CAPN13: variants seen among roughly 807,000 people sequenced by gnomAD.
CAPN13 encodes calpain-13.
Under a neutral mutation model 98.4 loss-of-function variants are expected in CAPN13, and 90 were observed. That is an observed-to-expected ratio of 0.92 (90% confidence interval 0.77 to 1.09). The LOEUF is 1.09. Among genes scored for constraint, CAPN13 ranks in the 50% least tolerant of loss-of-function variants. CAPN13 has a pLI of 0.00. For synonymous variants in CAPN13, 330 were observed against 305.5 expected, an observed-to-expected ratio of 1.08 and a Z score of -0.84; for missense variants, 887 against 841.3, an observed-to-expected ratio of 1.05 and a Z score of -0.67.
At chr2:30,772,810 G>C (rs1024268046) in intron 4 of CAPN13, among the ~76,000 whole-genome samples, 1 of 142,262 alleles carries the variant, frequency 7.0e-6, no homozygotes, top group East Asian at 2.1e-4. Flanking sequence ...ACTCCAAGGA[G>C]AGAGAGCATT....
intron 6 of CAPN13, 140 bp from the exon 7 acceptor site, chr2:30,763,296 C>T: frequency 1.4e-6 from 1 of 690,298 alleles, no homozygotes; most frequent in Non-Finnish European, 2.5e-6. Context: ...GAACTCTTTT[C>T]TAGAGCAGCA....
chr2:30,760,810 C>G (rs1672814263), intron 7 of CAPN13, among the ~76,000 whole-genome samples: 1 of 152,168 alleles, frequency 6.6e-6, no homozygotes, highest in African/African-American at 2.4e-5. Flanking sequence ...ACACGCGAGG[C>G]CAAGGCCATG....
At chr2:30,774,659 AT>A (rs943907318) in intron 4 of CAPN13, among the ~76,000 whole-genome samples, 1 of 152,170 alleles carries the variant, frequency 6.6e-6, no homozygotes, top group African/African-American at 2.4e-5. Context: ...CATTGGAAGA[AT>A]TAAAGAAATC....
At position 30,738,468 on chromosome 2, in the gene CAPN13, C is replaced by T; in HGVS notation, c.1537-11G>A. On this transcript the variant is annotated splice_polypyrimidine_tract_variant and intron_variant, in intron 15 of 22. Coordinates refer to ENST00000295055, the MANE Select transcript of CAPN13 (RefSeq NM_144575.3). ...ATCAATGTCCAGCCTCTGATCCAAA[C>T]AAGGAAGGAATGCAGGAATTATATC... 1.9e-6 allele frequency: 3 copies of T among 1,598,572 alleles called. No homozygotes were observed. Among genetic ancestry groups the T allele is most frequent in the South Asian group, 2.3e-5 (2 of 88,322 alleles).
At chr2:30,782,212 T>G (rs2030383) in intron 2 of CAPN13, among the ~76,000 whole-genome samples, 115,903 of 151,854 alleles carry the variant, frequency 0.76, 44,893 homozygotes, top group African/African-American at 0.89. Flanking sequence ...GACAGCACTC[T>G]TCATATTTCT....
chr2:30,800,098 G>T (rs553361649), intron 1 of CAPN13, among the ~76,000 whole-genome samples: 4 of 100,572 alleles, frequency 4.0e-5, no homozygotes, highest in African/African-American at 1.1e-4. Context: ...AGAAAGAAAA[G>T]AAAGAAAGAA....
At chr2:30,776,179 G>A (rs1438221030) in intron 3 of CAPN13, 134 bp from the exon 4 acceptor site, 8 of 566,422 alleles carry the variant, frequency 1.4e-5, no homozygotes, top group African/African-American at 1.3e-4. Flanking sequence ...TCTGAGAGAG[G>A]AGAACCGGGG....
Position 30,751,006 on chromosome 2 carries a change from T to G in CAPN13, c.1236+97A>C, listed in dbSNP as rs1035421301. On this transcript the variant is annotated intron_variant, in intron 11 of 22. Coordinates refer to ENST00000295055, the MANE Select transcript of CAPN13 (RefSeq NM_144575.3). ...TTGGGCTTTATCTCCAAGGCTGTGG[T>G]GCAGTCAAATCTCCCAGCCTGGCCA... is the stretch of plus-strand genomic sequence containing the variant. 13 of 1,347,098 alleles carry G rather than the reference T, an allele frequency of 9.7e-6. No individual in the cohort carries two copies. In the African/African-American group the frequency reaches 1.7e-4, roughly 18 times the overall value. 83.4% of individuals were successfully genotyped at this position (1,347,098 alleles called of 1,614,324 possible).
intron 7 of CAPN13, among the ~76,000 whole-genome samples, chr2:30,760,652 A>G (rs1300441855): frequency 6.6e-6 from 1 of 152,228 alleles, no homozygotes; most frequent in East Asian, 1.9e-4. Context: ...GGCTGGTTTA[A>G]TCTTAGCACT....
At chr2:30,770,805 G>C (rs1161384060) in intron 4 of CAPN13, among the ~76,000 whole-genome samples, 1 of 152,192 alleles carries the variant, frequency 6.6e-6, no homozygotes, top group Non-Finnish European at 1.5e-5. Context: ...AATGGCAATA[G>C]GGAAGCAATG....
Position 30,764,138 on chromosome 2 carries a change from T to G in CAPN13, c.693A>C (p.Pro231=). ...GGGCTCCCCAGTGACTTACCCCACT[T>G]GGAGTGGCACAGGTTATCAGGGAGC... ...KAGSLITCAT[P]SGPTDTAQAM... is the part of the protein sequence containing the mutation. Residue 231 remains proline (P), a synonymous_variant, in exon 6 of 23, where the codon CCA becomes CCC. Coordinates refer to ENST00000295055, the MANE Select transcript of CAPN13 (RefSeq NM_144575.3). 1 of 1,567,942 alleles carries G rather than the reference T, an allele frequency of 6.4e-7. No homozygotes were observed.
chr2:30,800,115 G>GAAAGAAAGAAAGAAAGAAAGA (rs1675121885), intron 1 of CAPN13, among the ~76,000 whole-genome samples: 2 of 54,716 alleles, frequency 3.7e-5, no homozygotes, highest in African/African-American at 1.4e-4. Context: ...AGAAAAGAAA[G>GAAAGAAAGAAAGAAAGAAAGA]AAAAGAAAGA....
At chr2:30,754,935 G>C (rs1672368920) in intron 8 of CAPN13, among the ~76,000 whole-genome samples, 1 of 152,008 alleles carries the variant, frequency 6.6e-6, no homozygotes, top group African/African-American at 2.4e-5. Flanking sequence ...ATGTAAACTT[G>C]ATTATATTAT....
intron 7 of CAPN13, among the ~76,000 whole-genome samples, chr2:30,760,367 G>T (rs928567129): frequency 6.6e-6 from 1 of 152,180 alleles, no homozygotes; most frequent in Admixed American, 6.5e-5. Flanking sequence ...ACAAGCAATG[G>T]TCACTTGGTG....
At position 30,770,912 on chromosome 2, in the gene CAPN13, G is replaced by A. The variant is rs568422962; in HGVS notation, c.388-463C>T. On this transcript the variant is annotated intron_variant, in intron 4 of 22. Coordinates refer to ENST00000295055, the MANE Select transcript of CAPN13 (RefSeq NM_144575.3). ...GAAGGAAGAGGCAGGATTTAAGCACGTGGCAGGGAGACAGGGAAGGTATCC... is the reference window on the plus strand; with the variant it reads ...GAAGGAAGAGGCAGGATTTAAGCACATGGCAGGGAGACAGGGAAGGTATCC... Among the ~76,000 whole-genome samples the A allele has an allele frequency of 1.4e-4, 22 of 152,312 alleles. 1 individual carries two copies. In the South Asian group the frequency reaches 4.3e-3, roughly 30 times the overall value.
At chr2:30,802,544 G>C (rs1056987612) in intron 1 of CAPN13, among the ~76,000 whole-genome samples, 3 of 11,880 alleles carry the variant, frequency 2.5e-4, no homozygotes, top group African/African-American at 1.3e-3. Flanking sequence ...AGGCAGGCTG[G>C]GGGGGGGGGG....
intron 5 of CAPN13, among the ~76,000 whole-genome samples, chr2:30,764,615 G>A (rs775092803): frequency 6.6e-6 from 1 of 152,166 alleles, no homozygotes; most frequent in African/African-American, 2.4e-5. Context: ...CCTTTGCCAC[G>A]TATTTGGCTG....
chr2:30,790,063 G>A lies in CAPN13; in HGVS notation c.-32-2706C>T, dbSNP rs116057686. Among the ~76,000 whole-genome samples the A allele has an allele frequency of 5.2e-3, 786 of 152,316 alleles. 6 individuals carry two copies. Among genetic ancestry groups the A allele is most frequent in the African/African-American group, 0.018 (747 of 41,572 alleles). ...TGATGGGGAAGGGAGAAGCAGGCAGGGGAAGCTTGTTCCCGCCTCCACACA... is the reference window on the plus strand; with the variant it reads ...TGATGGGGAAGGGAGAAGCAGGCAGAGGAAGCTTGTTCCCGCCTCCACACA... On this transcript the variant is annotated intron_variant, in intron 1 of 22. Coordinates refer to ENST00000295055, the MANE Select transcript of CAPN13 (RefSeq NM_144575.3).
Position 30,738,451 on chromosome 2 carries a change from C to T in CAPN13, c.1543G>A (p.Asp515Asn). The change falls in exon 16 of 23, where the codon GAC becomes AAC. Residue 515 changes from aspartate to asparagine, a missense_variant. By Grantham distance (23) the Asp-to-Asn change is conservative. Transcript: ENST00000295055. ...IFNRYAQQRLDIDATQLQGLL... is the reference protein window; with the variant it reads ...IFNRYAQQRLNIDATQLQGLL... ...CCCTGAAGCTGGGTGGCATCAATGT[C>T]CAGCCTCTGATCCAAACAAGGAAGG... 2 of 1,603,706 alleles carry T rather than the reference C, an allele frequency of 1.2e-6. No individual in the cohort carries two copies.
Sources: allele counts gnomAD v4.1 joint callset (sites outside exome capture counted in the v4.1 genomes callset), GRCh38; gene constraint gnomAD v4.1.1; transcripts MANE v1.5; gene names NCBI Gene and HGNC (gene_info 2026-07-23, HGNC 2026-07-21).